The following STAT2 variants were observed in gnomAD, a reference collection of about 807,000 sequenced individuals.
STAT2 encodes the protein signal transducer and activator of transcription 2.
In STAT2, 51 loss-of-function variants were observed where a neutral mutation model predicts 122.3. The observed-to-expected ratio is 0.42, with a 90% CI of 0.33 to 0.53. STAT2 has a LOEUF of 0.53. STAT2 is among the 20% of genes least tolerant of loss of function. The probability of loss-of-function intolerance (pLI) is 0.10; values close to 1 mark genes in which losing one functional copy is unlikely to be tolerated. For synonymous variants in STAT2, 351 were observed against 394.9 expected, an observed-to-expected ratio of 0.89 and a Z score of 1.32; for missense variants, 736 against 1,010.3, an observed-to-expected ratio of 0.73 and a Z score of 3.68.
Position 56,356,210 on chromosome 12 carries a change from A to G in STAT2, c.207T>C (p.Tyr69=), listed in dbSNP as rs756618134. 1 of 1,614,050 alleles carries G rather than the reference A, an allele frequency of 6.2e-7. No individual in the cohort carries two copies. The highest frequency in any genetic ancestry group is 8.5e-7 in the Non-Finnish European group (1 of 1,180,042). The change falls in exon 3 of 24, where the codon TAT becomes TAC. Residue 69 remains tyrosine (Y), a synonymous_variant. Coordinates refer to ENST00000314128, the MANE Select transcript of STAT2 (RefSeq NM_005419.4). Reference sequence around the variant, plus strand: ...GGTCCTGGCTGCAACGGCCACACTCATAGTTCAGCTGATCCAAGAAGTGGA... The same window carrying G: ...GGTCCTGGCTGCAACGGCCACACTCGTAGTTCAGCTGATCCAAGAAGTGGA... The part of the protein sequence containing the change: ...LFFHFLDQLN[Y]ECGRCSQDPE...
At position 56,350,789 on chromosome 12, in the gene STAT2, C is replaced by T. The variant is rs532304376; in HGVS notation, c.1094+40G>A. The T allele has an allele frequency of 3.7e-5, 60 of 1,610,200 alleles. No individual in the cohort carries two copies. In the South Asian group the frequency reaches 5.7e-4, roughly 15 times the overall value. ...AGAGTGAGTATCTCCTCCACCCCAG[C>T]AGCCCGTGTCCTGGCCACCCTTCAC... On this transcript the variant is annotated intron_variant, in intron 11 of 23. Coordinates refer to ENST00000314128, the MANE Select transcript of STAT2 (RefSeq NM_005419.4).
At chr12:56,349,546 T>C (rs775369571) in intron 14 of STAT2, 37 bp from the exon 15 acceptor site, 1 of 1,614,154 alleles carries the variant, frequency 6.2e-7, no homozygotes, top group East Asian at 2.2e-5. Flanking sequence ...AGAAGGCTCT[T>C]TGGCAAGCTC....
intron 1 of STAT2, among the ~76,000 whole-genome samples, chr12:56,359,737 T>C (rs1880085888): frequency 6.6e-6 from 1 of 152,244 alleles, no homozygotes; most frequent in African/African-American, 2.4e-5. Flanking sequence ...TAGATTTATC[T>C]ATCTTTGAAC....
intron 8 of STAT2, among the ~76,000 whole-genome samples, chr12:56,352,724 T>A (rs1592481903): frequency 1.3e-5 from 2 of 150,846 alleles, no homozygotes; most frequent in African/African-American, 4.9e-5. Flanking sequence ...TTTTAAGAGG[T>A]GAGGGTCTTG....
Position 56,351,207 on chromosome 12 carries a change from G to A in STAT2, c.942-17C>T, listed in dbSNP as rs767522296. 6.2e-6 allele frequency: 10 copies of A among 1,612,562 alleles called. No individual in the cohort carries two copies. In the South Asian group the frequency reaches 9.9e-5, roughly 16 times the overall value. On this transcript the variant is annotated splice_polypyrimidine_tract_variant and intron_variant, in intron 9 of 23. Coordinates refer to ENST00000314128, the MANE Select transcript of STAT2 (RefSeq NM_005419.4). Reference sequence around the variant, plus strand: ...ACAAAGGCTCTGAGGAGAGAGAGGTGTGGAGAGAATATATAGCTCAGTATC... The same window carrying A: ...ACAAAGGCTCTGAGGAGAGAGAGGTATGGAGAGAATATATAGCTCAGTATC...
At chr12:56,354,439 G>A in intron 8 of STAT2, 27 bp downstream of exon 8, 1 of 1,613,838 alleles carries the variant, frequency 6.2e-7, no homozygotes, top group African/African-American at 1.3e-5. Flanking sequence ...GCATGGCGAG[G>A]ACGAGGGTTG....
rs1166926324 is a variant in STAT2 at position 56,354,092 on chromosome 12, G to A, written c.782+374C>T. 1.4e-4 allele frequency among the ~76,000 whole-genome samples: 18 copies of A among 127,074 alleles called. No homozygotes were observed. The East Asian group carries it at 4.2e-3, about 30-fold the overall frequency. 83.4% of individuals were successfully genotyped at this position (127,074 alleles called of 152,430 possible). ...ACCCCATGGATTTCAAAATAGTATG[G>A]ACAATATGATTCCATTTTTGTTTAA... On this transcript the variant is annotated intron_variant, in intron 8 of 23. Transcript: ENST00000314128.
chr12:56,346,962 C>T lies in STAT2; in HGVS notation c.1725-7G>A. On this transcript the variant is annotated splice_region_variant and splice_polypyrimidine_tract_variant and intron_variant, in intron 19 of 23. Coordinates refer to ENST00000314128, the MANE Select transcript of STAT2 (RefSeq NM_005419.4). The stretch of plus-strand genomic sequence containing the variant: ...CACAAAGCCCATGATGCGTCTGGAG[C>T]ACAGAGAGCAGCTGTGAGACACCGC... The T allele has an allele frequency of 1.2e-6, 2 of 1,614,018 alleles. No homozygotes were observed.
intron 6 of STAT2, 133 bp downstream of exon 6, chr12:56,355,143 C>T (rs1299432514): frequency 1.2e-5 from 13 of 1,067,036 alleles, no homozygotes; most frequent in East Asian, 2.4e-5. Context: ...CAGCTTTGCA[C>T]GGCAGCAGGA....
intron 15 of STAT2, 51 bp downstream of exon 15, chr12:56,349,375 T>TA: frequency 6.2e-7 from 1 of 1,614,158 alleles, no homozygotes; most frequent in Non-Finnish European, 8.5e-7. Context: ...CCCCTTCTTA[T>TA]GCCTTCTTCC....
intron 22 of STAT2, among the ~76,000 whole-genome samples, chr12:56,345,198 A>T (rs1877195333): frequency 6.8e-6 from 1 of 147,044 alleles, no homozygotes; most frequent in South Asian, 2.1e-4. Flanking sequence ...AAAAAAAAAA[A>T]TTCTATCCCC....
chr12:56,346,756 G>C (rs941921109), intron 20 of STAT2, 63 bp downstream of exon 20: 6 of 1,609,616 alleles, frequency 3.7e-6, no homozygotes, highest in Non-Finnish European at 5.1e-6. Flanking sequence ...GGCAGGCAGA[G>C]GGGCAAGAGG....
chr12:56,350,038 G>C (rs1878205167), intron 13 of STAT2, 59 bp downstream of exon 13: 5 of 1,475,110 alleles, frequency 3.4e-6, no homozygotes, highest in Non-Finnish European at 4.7e-6. Context: ...GACAGAGTGA[G>C]ACTCCGTCTC....
rs1876831074 is a variant in STAT2 at position 56,343,217 on chromosome 12, A to G, written c.*172T>C. 2.5e-6 allele frequency: 2 copies of G among 816,196 alleles called. No homozygotes were observed. Among genetic ancestry groups the G allele is most frequent in the East Asian group, 2.7e-5 (1 of 37,246 alleles). The allele number at this position is 816,196 out of a possible 1,614,324, so 50.6% of individuals were successfully genotyped here. On this transcript the variant is annotated 3_prime_UTR_variant, in exon 24 of 24. Transcript: ENST00000314128. Reference sequence around the variant, plus strand: ...TCTGATTCATTGTTGTCCCCTCTGTACCCATGTTATGCTTTCACCTCTCAC... The same window carrying G: ...TCTGATTCATTGTTGTCCCCTCTGTGCCCATGTTATGCTTTCACCTCTCAC...
chr12:56,347,662 C>T (rs540426525), intron 19 of STAT2, among the ~76,000 whole-genome samples: 6 of 152,112 alleles, frequency 3.9e-5, no homozygotes, highest in Non-Finnish European at 8.8e-5. Flanking sequence ...CCACCACACC[C>T]GGCTAATTTT....
chr12:56,356,178 G>GA lies in STAT2; in HGVS notation c.238dup (p.Ser80PhefsTer27). The GA allele has an allele frequency of 2.5e-6, 4 of 1,614,146 alleles. No homozygotes were observed. The highest frequency in any genetic ancestry group is 3.4e-6 in the Non-Finnish European group (4 of 1,180,032). On this transcript the variant is annotated frameshift_variant, in exon 3 of 24. Coordinates refer to ENST00000314128, the MANE Select transcript of STAT2 (RefSeq NM_005419.4). LOFTEE classifies it high-confidence loss of function. ...CCGCAAATTGTGCTGCAGCAACAAG[G>GA]ACTCTGGGTCCTGGCTGCAACGGCC...
chr12:56,343,635 G>T (rs907295788), intron 23 of STAT2, 104 bp from the exon 24 acceptor site: 1 of 1,533,916 alleles, frequency 6.5e-7, no homozygotes, highest in African/African-American at 1.4e-5. Flanking sequence ...GGAAGAGCCT[G>T]AGTGGGAACT....
rs763974330 is a variant in STAT2 at position 56,355,326 on chromosome 12, A to C, written c.497T>G (p.Leu166Arg). Residue 166 changes from leucine to arginine, a missense_variant, in exon 6 of 24, where the codon CTG becomes CGG. Transcript: ENST00000314128. Reference sequence around the variant, plus strand: ...GCAGAAGACATCCTGCTGGTCTTTCAGTTGGCTGATGGATTTTACCAGCTT... The same window carrying C: ...GCAGAAGACATCCTGCTGGTCTTTCCGTTGGCTGATGGATTTTACCAGCTT... ...MEKLVKSISQ[L>R]KDQQDVFCFR... 6.2e-7 allele frequency: 1 copy of C among 1,614,046 alleles called. No individual in the cohort carries two copies.
chr12:56,346,478 G>A lies in STAT2; in HGVS notation c.2008C>T (p.Arg670Trp), dbSNP rs1330342244. Residue 670 changes from arginine to tryptophan, a missense_variant, in exon 21 of 24, where the codon CGG becomes TGG. By Grantham distance (101) the Arg-to-Trp change is moderately radical (BLOSUM62 -3). Transcript: ENST00000314128. ...PLRFLYPRIP[R>W]DEAFGCYYQE... ...TAGTAGCACCCAAAAGCTTCATCCC[G>A]GGGGATTCGGGGATAGAGGAAGCGC... 5.0e-6 allele frequency: 8 copies of A among 1,614,072 alleles called. No homozygotes were observed. The highest frequency in any genetic ancestry group is 5.9e-6 in the Non-Finnish European group (7 of 1,180,054).
Sources: gnomAD v4.1 joint callset for allele counts (sites outside exome capture counted in the v4.1 genomes callset) on GRCh38, gnomAD v4.1.1 for gene constraint, MANE v1.5 for transcripts, NCBI Gene and HGNC (gene_info 2026-07-23, HGNC 2026-07-21) for gene names.